HMGCLL1: variants seen among roughly 807,000 people sequenced by gnomAD.
HMGCLL1 encodes 3-hydroxy-3-methylglutaryl-CoA lyase like 1.
HMGCLL1 carries 36 observed loss-of-function variants against 39.1 expected under a neutral mutation model. The ratio of observed to expected loss-of-function variants is 0.92; its 90% confidence interval spans 0.71 to 1.22. The LOEUF is 1.22. Ranked by LOEUF, HMGCLL1 falls within the 50% of genes most tolerant of loss-of-function variation. The probability of loss-of-function intolerance (pLI) is 0.00; values close to 1 mark genes in which losing one functional copy is unlikely to be tolerated. For synonymous variants in HMGCLL1, 149 were observed against 144.0 expected (o/e 1.03, Z -0.25); for missense variants, 451 against 416.5 (o/e 1.08, Z -0.72).
chr6:55,594,676 A>T, the HMGCLL1 span, among the ~76,000 whole-genome samples: 16 of 152,110 alleles, frequency 1.1e-4, no homozygotes, highest in Non-Finnish European at 2.1e-4. Flanking sequence ...GCAGCTAGGG[A>T]CAGCTAACTC....
the HMGCLL1 span, among the ~76,000 whole-genome samples, chr6:55,638,769 T>A: frequency 6.6e-6 from 1 of 152,174 alleles, no homozygotes; most frequent in Non-Finnish European, 1.5e-5. Context: ...CTAACCTTGT[T>A]TTGTTTTAGG....
chr6:55,491,880 G>T (rs1165080715), intron 7 of HMGCLL1, among the ~76,000 whole-genome samples: 1 of 151,548 alleles, frequency 6.6e-6, no homozygotes, highest in Non-Finnish European at 1.5e-5. Context: ...AATTATTCTT[G>T]AATTCCATAC....
chr6:55,580,282 CAA>C (rs1249144210), upstream of HMGCLL1, among the ~76,000 whole-genome samples: 1 of 150,680 alleles, frequency 6.6e-6, no homozygotes, highest in Non-Finnish European at 1.5e-5. Flanking sequence ...AGGAAAAAGA[CAA>C]AGAGTGGAAG....
At chr6:55,605,384 G>A in the HMGCLL1 span, among the ~76,000 whole-genome samples, 1 of 151,450 alleles carries the variant, frequency 6.6e-6, no homozygotes, top group Non-Finnish European at 1.5e-5. Context: ...CTGCATCACA[G>A]TACCTGTTTC....
chr6:55,462,243 A>G (rs1294405982), intron 7 of HMGCLL1, among the ~76,000 whole-genome samples: 1 of 152,186 alleles, frequency 6.6e-6, no homozygotes, highest in Non-Finnish European at 1.5e-5. Flanking sequence ...CTCGTCTAAA[A>G]TGCTGCCATC....
chr6:55,577,510 T>G (rs1771818903), intron 1 of HMGCLL1, among the ~76,000 whole-genome samples: 1 of 152,170 alleles, frequency 6.6e-6, no homozygotes, highest in Non-Finnish European at 1.5e-5. Context: ...ATTTTATTTC[T>G]CGGGAATCCT....
rs762643682 is a variant in HMGCLL1 at position 55,436,225 on chromosome 6, C to CAT, written c.922-464_922-463dup. Among the ~76,000 whole-genome samples, 13 of 151,964 alleles carry CAT rather than the reference C, an allele frequency of 8.6e-5. No individual in the cohort carries two copies. In the South Asian group the frequency reaches 2.3e-3, roughly 27 times the overall value. On this transcript the variant is annotated intron_variant, in intron 8 of 8. Transcript: ENST00000274901. Reference sequence around the variant, plus strand: ...ATAAGGATTACAGAAAAGGTGTATGCATATATATACATATATATTTTTTAA... The same window carrying CAT: ...ATAAGGATTACAGAAAAGGTGTATGCATATATATATACATATATATTTTTTAA...
intron 7 of HMGCLL1, among the ~76,000 whole-genome samples, chr6:55,445,783 T>C (rs1418648850): frequency 6.6e-6 from 1 of 152,078 alleles, no homozygotes; most frequent in East Asian, 1.9e-4. Context: ...ATTTTTGTTT[T>C]TGAAGAAAAG....
the HMGCLL1 span, among the ~76,000 whole-genome samples, chr6:55,660,488 G>A: frequency 6.6e-6 from 1 of 151,808 alleles, no homozygotes; most frequent in Non-Finnish European, 1.5e-5. Context: ...CTGTTCCTGT[G>A]TTAGTTGCTA....
the HMGCLL1 span, among the ~76,000 whole-genome samples, chr6:55,666,413 AG>A: frequency 6.6e-6 from 1 of 151,732 alleles, no homozygotes; most frequent in Non-Finnish European, 1.5e-5. Flanking sequence ...CCCGAGTTAA[AG>A]TCAGGGTAGG....
At chr6:55,446,091 T>G (rs1048518621) in intron 7 of HMGCLL1, among the ~76,000 whole-genome samples, 10 of 151,870 alleles carry the variant, frequency 6.6e-5, no homozygotes, top group African/African-American at 2.4e-4. Context: ...TAAATAAAAG[T>G]CCTGTAGCTC....
intron 1 of HMGCLL1, among the ~76,000 whole-genome samples, chr6:55,553,017 C>T (rs1229475349): frequency 6.6e-6 from 1 of 151,544 alleles, no homozygotes; most frequent in African/African-American, 2.4e-5. Flanking sequence ...GTGGCACGTG[C>T]CTGTAATCCC....
the HMGCLL1 span, among the ~76,000 whole-genome samples, chr6:55,615,216 T>G: frequency 6.6e-6 from 1 of 152,042 alleles, no homozygotes; most frequent in Non-Finnish European, 1.5e-5. Flanking sequence ...GCATGTCTAC[T>G]TCCACCACTC....
At chr6:55,554,895 G>T (rs1770566240) in intron 1 of HMGCLL1, among the ~76,000 whole-genome samples, 1 of 152,266 alleles carries the variant, frequency 6.6e-6, no homozygotes, top group African/African-American at 2.4e-5. Flanking sequence ...TCTATCAGCA[G>T]ATCATGTTCT....
the HMGCLL1 span, among the ~76,000 whole-genome samples, chr6:55,673,314 T>C: frequency 5.9e-5 from 9 of 151,982 alleles, no homozygotes; most frequent in Non-Finnish European, 2.9e-5. Flanking sequence ...AAAAGCCATG[T>C]GCACTTATCA....
chr6:55,445,658 A>ATG (rs1358425496), intron 7 of HMGCLL1, among the ~76,000 whole-genome samples: 265 of 74,828 alleles, frequency 3.5e-3, no homozygotes, highest in African/African-American at 0.01. Context: ...GTGTGCATGC[A>ATG]TGTGTGTGTG....
intron 1 of HMGCLL1, among the ~76,000 whole-genome samples, chr6:55,547,576 A>G (rs1242125853): frequency 3.7e-5 from 3 of 81,998 alleles, no homozygotes. Flanking sequence ...TGAATATTGA[A>G]ATATTCTGTT....
chr6:55,596,300 C>G, the HMGCLL1 span, among the ~76,000 whole-genome samples: 2 of 152,120 alleles, frequency 1.3e-5, no homozygotes, highest in Non-Finnish European at 2.9e-5. Context: ...GCACTCCAGC[C>G]TGGGTGACAG....
chr6:55,564,611 A>T (rs1401353895), intron 1 of HMGCLL1, among the ~76,000 whole-genome samples: 1 of 152,116 alleles, frequency 6.6e-6, no homozygotes, highest in South Asian at 2.1e-4. Context: ...AAGAATTTTC[A>T]TTATGTATGT....
Sources: gnomAD v4.1 joint callset for allele counts (sites outside exome capture counted in the v4.1 genomes callset) on GRCh38, gnomAD v4.1.1 for gene constraint, MANE v1.5 for transcripts, NCBI Gene and HGNC (gene_info 2026-07-23, HGNC 2026-07-21) for gene names.